BPTF: variants seen among roughly 807,000 people sequenced by gnomAD.
BPTF encodes the protein bromodomain PHD finger transcription factor.
In BPTF, 18 loss-of-function variants were observed where a neutral mutation model predicts 292.5. The observed-to-expected ratio is 0.06, with a 90% CI of 0.04 to 0.09. The LOEUF (loss-of-function observed/expected upper bound fraction) is 0.09. Ranked by LOEUF, BPTF falls within the 10% of genes least tolerant of loss-of-function variation. The probability of loss-of-function intolerance (pLI) is 1.00; values close to 1 mark genes in which losing one functional copy is unlikely to be tolerated. For missense variants in BPTF, 2,726 were observed against 3,498.7 expected, an observed-to-expected ratio of 0.78 and a Z score of 5.57; for synonymous variants, 1,225 against 1,251.9, an observed-to-expected ratio of 0.98 and a Z score of 0.45.
chr17:67,931,264 CTAAA>C (rs1018858425), intron 17 of BPTF, among the ~76,000 whole-genome samples: 1 of 151,880 alleles, frequency 6.6e-6, no homozygotes, highest in African/African-American at 2.4e-5. Flanking sequence ...GATTCTGTCT[CTAAA>C]TAAATAAATA....
At chr17:67,974,905 G>A (rs1353099242) in intron 26 of BPTF, 1 of 152,192 alleles carries the variant, frequency 6.6e-6, no homozygotes, top group Non-Finnish European at 1.5e-5. Context: ...ATTGGCCATT[G>A]GTGATCAGCT....
At chr17:67,866,122 A>C (rs187512170) in intron 2 of BPTF, among the ~76,000 whole-genome samples, 59 of 152,268 alleles carry the variant, frequency 3.9e-4, no homozygotes, top group Admixed American at 3.7e-3. Flanking sequence ...CCCTGTCTCT[A>C]AAATAAATTT....
Position 67,945,524 on chromosome 17 carries a change from T to G in BPTF, c.6816T>G (p.Thr2272=). Residue 2272 remains threonine (T), a synonymous_variant, in exon 21 of 28, where the codon ACT becomes ACG. Transcript: ENST00000306378. ...GTCCAGCAGAAGCCCAGCCACAGAC[T>G]GCTCAGCCTTCAGCTCAGCCCCAGC... ...SVGPAEAQPQ[T]AQPSAQPQPQ... 1 of 1,613,910 alleles carries G rather than the reference T, an allele frequency of 6.2e-7. No homozygotes were observed. The highest frequency in any genetic ancestry group is 8.5e-7 in the Non-Finnish European group (1 of 1,179,946).
At chr17:67,971,731 G>A (rs2068782524) in intron 26 of BPTF, among the ~76,000 whole-genome samples, 2 of 150,994 alleles carry the variant, frequency 1.3e-5, no homozygotes, top group Admixed American at 6.6e-5. Flanking sequence ...TTGAACCCAA[G>A]AGGCAGAGGT....
intron 2 of BPTF, among the ~76,000 whole-genome samples, chr17:67,859,634 C>T (rs1230724780): frequency 2.0e-5 from 3 of 152,126 alleles, no homozygotes. Flanking sequence ...GTTTTCAAAC[C>T]TTCTTGAGAA....
Position 67,911,856 on chromosome 17 carries a change from A to G in BPTF, c.3972A>G (p.Gln1324=). 6.2e-7 allele frequency: 1 copy of G among 1,614,126 alleles called. No homozygotes were observed. The highest frequency in any genetic ancestry group is 8.5e-7 in the Non-Finnish European group (1 of 1,180,010). ...SISEQFRTRE[Q]DVEVLEPLKC... is the part of the protein sequence containing the mutation. ...CTGAACAGTTCAGAACTCGAGAACA[A>G]GATGTTGAAGTCTTGGAGCCGTTAA... The change falls in exon 11 of 28, where the codon CAA becomes CAG. Residue 1324 remains glutamine, a synonymous_variant. Coordinates refer to ENST00000306378, the MANE Select transcript of BPTF (RefSeq NM_182641.4).
chr17:67,941,131 G>T (rs1235876227), intron 19 of BPTF, among the ~76,000 whole-genome samples: 2 of 152,206 alleles, frequency 1.3e-5, no homozygotes, highest in African/African-American at 4.8e-5. Context: ...AGGATTATTT[G>T]CCCTATATAT....
At chr17:67,982,043 C>T (rs559972005) in intron 27 of BPTF, 84 of 269,972 alleles carry the variant, frequency 3.1e-4, no homozygotes, top group African/African-American at 1.9e-3. Context: ...TGGCTTTTTC[C>T]AGTGAGCTAT....
At chr17:67,830,500 A>T (rs2056566694) in intron 1 of BPTF, among the ~76,000 whole-genome samples, 1 of 152,184 alleles carries the variant, frequency 6.6e-6, no homozygotes, top group African/African-American at 2.4e-5. Context: ...TGATTGCTGC[A>T]TGCGAGGTAC....
At chr17:67,864,383 TG>T (rs905396502) in intron 2 of BPTF, among the ~76,000 whole-genome samples, 7 of 151,598 alleles carry the variant, frequency 4.6e-5, no homozygotes, top group Non-Finnish European at 1.0e-4. Context: ...AAAAATTAGC[TG>T]GGCGTGGTGG....
rs781554427 is a variant in BPTF at position 67,911,558 on chromosome 17, A to G, written c.3674A>G (p.Asp1225Gly). 1 of 1,614,144 alleles carries G rather than the reference A, an allele frequency of 6.2e-7. No homozygotes were observed. Residue 1225 changes from aspartate (D) to glycine (G), a missense_variant, in exon 11 of 28, where the codon GAT becomes GGT. Asp to Gly is a moderately conservative substitution (Grantham distance 94, BLOSUM62 -1). Transcript: ENST00000306378. ...IDDSKLASAD[D>G]IGTLICKNKK... ...GACTCTAAACTAGCCAGTGCAGATG[A>G]TATTGGTACTTTGATCTGTAAGAAC...
intron 9 of BPTF, among the ~76,000 whole-genome samples, chr17:67,908,632 G>A (rs1283262940): frequency 4.0e-5 from 6 of 148,574 alleles, no homozygotes; most frequent in Non-Finnish European, 8.9e-5. Context: ...AGGGATCACA[G>A]TTGCACGCCA....
At chr17:67,926,363 C>CT (rs1368047136) in intron 15 of BPTF, among the ~76,000 whole-genome samples, 1 of 119,244 alleles carries the variant, frequency 8.4e-6, no homozygotes, top group Admixed American at 1.1e-4. Context: ...CTCACTCTGT[C>CT]ACCCAGGCTG....
At position 67,911,959 on chromosome 17, in the gene BPTF, A is replaced by G. The variant is rs893421728; in HGVS notation, c.4075A>G (p.Lys1359Glu). Residue 1359 changes from lysine (K) to glutamate (E), a missense_variant, in exon 11 of 28, where the codon AAA becomes GAA. This residue lies in a region of BPTF where 713 missense variants were observed against 714.9 expected (regional missense o/e 1.00). Transcript: ENST00000306378. ...GGTCAAGGGGACTGAAGCAAATGGT[A>G]AAAAACCAAGTCAGCAGAAGAAATT... Reference protein sequence around the residue: ...LPVKGTEANGKKPSQQKKLEE... With the variant: ...LPVKGTEANGEKPSQQKKLEE... 6.2e-7 allele frequency: 1 copy of G among 1,614,130 alleles called. No individual in the cohort carries two copies. The highest frequency in any genetic ancestry group is 8.5e-7 in the Non-Finnish European group (1 of 1,180,028).
chr17:67,881,355 T>C (rs767091070), intron 4 of BPTF, among the ~76,000 whole-genome samples: 5 of 152,138 alleles, frequency 3.3e-5, no homozygotes, highest in Non-Finnish European at 5.9e-5. Flanking sequence ...TAATTGATAT[T>C]GTATCCCATC....
At chr17:67,945,064 C>G (rs1277034578) in intron 20 of BPTF, among the ~76,000 whole-genome samples, 1 of 152,178 alleles carries the variant, frequency 6.6e-6, no homozygotes, top group African/African-American at 2.4e-5. Flanking sequence ...GAGACAGGGT[C>G]TTGCTCTGTC....
intron 2 of BPTF, among the ~76,000 whole-genome samples, chr17:67,858,358 G>A (rs1255995839): frequency 2.0e-5 from 3 of 152,154 alleles, no homozygotes; most frequent in African/African-American, 7.2e-5. Context: ...TGCTGTTGAG[G>A]TGGTAACACG....
chr17:67,902,701 A>G (rs1448113392), intron 7 of BPTF, among the ~76,000 whole-genome samples: 1 of 152,138 alleles, frequency 6.6e-6, no homozygotes, highest in Non-Finnish European at 1.5e-5. Flanking sequence ...TGGGAGGGAG[A>G]GAAGAAGCCG....
intron 12 of BPTF, among the ~76,000 whole-genome samples, chr17:67,919,541 A>G (rs2063298430): frequency 1.3e-5 from 2 of 152,032 alleles, no homozygotes; most frequent in Admixed American, 1.3e-4. Flanking sequence ...CCTGTCTCTT[A>G]AAAAAAATTT....
Sources: allele counts gnomAD v4.1 joint callset (sites outside exome capture counted in the v4.1 genomes callset), GRCh38; gene constraint gnomAD v4.1.1; regional missense constraint gnomAD v4.1.1; transcripts MANE v1.5; gene names NCBI Gene and HGNC (gene_info 2026-07-23, HGNC 2026-07-21).